Variants in AFG1L observed in about 807,000 individuals in gnomAD.
AFG1L encodes AFG1-like ATPase.
Under a neutral mutation model 62.2 loss-of-function variants are expected in AFG1L, and 53 were observed. That is an observed-to-expected ratio of 0.85 (90% CI 0.68 to 1.07). AFG1L has a LOEUF of 1.07. Among genes scored for constraint, AFG1L ranks in the 50% least tolerant of loss-of-function variants. AFG1L has a pLI of 0.00. For missense variants in AFG1L, 555 were observed against 590.5 expected (o/e 0.94, Z 0.62); for synonymous variants, 228 against 210.3 (o/e 1.08, Z -0.73).
intron 1 of AFG1L, among the ~76,000 whole-genome samples, chr6:108,308,313 C>T (rs1468071216): frequency 6.6e-6 from 1 of 152,002 alleles, no homozygotes; most frequent in Non-Finnish European, 1.5e-5. Context: ...CCACACCCAG[C>T]TAATTGTTAA....
At chr6:108,449,324 C>T (rs1771956018) in intron 8 of AFG1L, among the ~76,000 whole-genome samples, 1 of 151,958 alleles carries the variant, frequency 6.6e-6, no homozygotes, top group African/African-American at 2.4e-5. Flanking sequence ...CTGAATTTAA[C>T]ATCCAAAGGG....
Position 108,295,172 on chromosome 6 carries a change from C to T in AFG1L, c.93C>T (p.Ala31=), listed in dbSNP as rs769780800. 5 of 1,608,378 alleles carry T rather than the reference C, an allele frequency of 3.1e-6. No individual in the cohort carries two copies. Among genetic ancestry groups the T allele is most frequent in the Non-Finnish European group, 4.2e-6 (5 of 1,179,940 alleles). ...GRCVGCGAWA[A]ALAPLATAPG... ...GTGTTGGGTGCGGGGCCTGGGCCGC[C>T]GCTCTCGCTCCTCTGGCCACCGCCC... The change falls in exon 1 of 13, where the codon GCC becomes GCT. Residue 31 remains alanine (A), a synonymous_variant. Transcript: ENST00000368977.
intron 7 of AFG1L, among the ~76,000 whole-genome samples, chr6:108,411,846 G>T (rs139838080): frequency 9.2e-5 from 14 of 152,192 alleles, no homozygotes; most frequent in African/African-American, 3.4e-4. Flanking sequence ...AAATCAGAGC[G>T]CCTCTTCTCC....
intron 10 of AFG1L, among the ~76,000 whole-genome samples, chr6:108,499,243 A>G (rs896335630): frequency 6.6e-6 from 1 of 151,304 alleles, no homozygotes; most frequent in Non-Finnish European, 1.5e-5. Context: ...TAAGTTTTGT[A>G]TTATTTGTAG....
chr6:108,401,916 G>T (rs1431689763), intron 6 of AFG1L, 80 bp from the exon 7 acceptor site: 2 of 657,856 alleles, frequency 3.0e-6, no homozygotes, highest in African/African-American at 1.9e-5. Context: ...TCAGTAGAAA[G>T]CTTTATTTGC....
intron 2 of AFG1L, among the ~76,000 whole-genome samples, chr6:108,337,385 A>T (rs1778513043): frequency 6.6e-6 from 1 of 152,236 alleles, no homozygotes; most frequent in African/African-American, 2.4e-5. Context: ...TTCACTACAC[A>T]TGCAGTATAT....
Position 108,441,710 on chromosome 6 carries a change from A to ATATATATATAT in AFG1L, c.808-5504_808-5503insTATATATATAT, listed in dbSNP as rs1554198366. ...AAATCTGAGGTTTATTTAAAAAAAAAAAATATATATATATATATATAAACT... is the reference window on the plus strand; with the variant it reads ...AAATCTGAGGTTTATTTAAAAAAAAATATATATATATAAATATATATATATATATATAAACT... On this transcript the variant is annotated intron_variant, in intron 7 of 12. Transcript: ENST00000368977. Among the ~76,000 whole-genome samples the ATATATATATAT allele has an allele frequency of 9.4e-5, 11 of 117,524 alleles. No individual in the cohort carries two copies. The South Asian group carries it at 2.2e-3, about 23-fold the overall frequency. The allele number at this position is 117,524 out of a possible 152,430, so 77.1% of individuals were successfully genotyped here. A position where few individuals can be genotyped will look rare whatever the true frequency, so the allele number is the denominator to read the frequency against.
chr6:108,464,303 CAAT>C (rs1772583052), intron 8 of AFG1L, among the ~76,000 whole-genome samples: 1 of 152,086 alleles, frequency 6.6e-6, no homozygotes, highest in South Asian at 2.1e-4. Flanking sequence ...AATGATCCAG[CAAT>C]AATAAGGTCT....
chr6:108,301,831 T>C (rs1777012961), intron 1 of AFG1L, among the ~76,000 whole-genome samples: 1 of 152,214 alleles, frequency 6.6e-6, no homozygotes, highest in Non-Finnish European at 1.5e-5. Flanking sequence ...ATTTTTACAT[T>C]ACCCATCCCT....
At chr6:108,463,103 A>G (rs1772525196) in intron 8 of AFG1L, among the ~76,000 whole-genome samples, 1 of 152,042 alleles carries the variant, frequency 6.6e-6, no homozygotes, top group Non-Finnish European at 1.5e-5. Context: ...AGCTTGGCCA[A>G]CATGGTGAAA....
At chr6:108,366,936 T>C (rs112823081) in intron 6 of AFG1L, among the ~76,000 whole-genome samples, 10 of 152,152 alleles carry the variant, frequency 6.6e-5, no homozygotes, top group African/African-American at 2.2e-4. Flanking sequence ...TCTTTCTGCC[T>C]GGAGTGCTGT....
At chr6:108,428,998 C>T (rs139997952) in intron 7 of AFG1L, among the ~76,000 whole-genome samples, 73 of 152,126 alleles carry the variant, frequency 4.8e-4, no homozygotes, top group Admixed American at 7.9e-4. Context: ...AATTCTTTCC[C>T]TATGCCAATG....
chr6:108,489,639 A>C (rs1454780230), intron 10 of AFG1L, among the ~76,000 whole-genome samples: 1 of 152,188 alleles, frequency 6.6e-6, no homozygotes, highest in Non-Finnish European at 1.5e-5. Context: ...AGATTGCACG[A>C]AACAAGATAA....
chr6:108,297,057 A>G (rs1482930525), intron 1 of AFG1L, among the ~76,000 whole-genome samples: 1 of 152,268 alleles, frequency 6.6e-6, no homozygotes, highest in Middle Eastern at 3.4e-3. Context: ...TTAGAGGTCC[A>G]TTTAATTGTA....
At chr6:108,422,477 C>CAAAGAAAAAAAAAAAAA (rs1770635706) in intron 7 of AFG1L, among the ~76,000 whole-genome samples, 1 of 45,798 alleles carries the variant, frequency 2.2e-5, no homozygotes, top group African/African-American at 1.0e-4. Flanking sequence ...TAGTCCTCAG[C>CAAAGAAAAAAAAAAAAA]AAAAAAAAAA....
rs543459726 is a variant in AFG1L, at chr6:108,346,547, T to C, written c.364-441T>C. 2.6e-5 allele frequency among the ~76,000 whole-genome samples: 4 copies of C among 152,216 alleles called. No homozygotes were observed. In the South Asian group the frequency reaches 8.3e-4, roughly 32 times the overall value. ...TGCCTGGCTAATTCTTTTTAACTAT[T>C]TGCAGAGATGAGGTCTCCCTATATT... On this transcript the variant is annotated intron_variant, in intron 2 of 12. Coordinates refer to ENST00000368977, the MANE Select transcript of AFG1L (RefSeq NM_145315.5).
intron 3 of AFG1L, among the ~76,000 whole-genome samples, chr6:108,354,648 G>C (rs967649377): frequency 6.6e-6 from 1 of 152,070 alleles, no homozygotes; most frequent in Non-Finnish European, 1.5e-5. Flanking sequence ...AGTGACCAAC[G>C]AGAGGGCAGT....
intron 7 of AFG1L, among the ~76,000 whole-genome samples, chr6:108,427,249 T>C (rs1175338247): frequency 2.0e-5 from 3 of 151,966 alleles, no homozygotes; most frequent in African/African-American, 4.8e-5. Context: ...ACTACACACT[T>C]GGCTAACTTT....
At chr6:108,408,120 T>C (rs1781940599) in intron 7 of AFG1L, among the ~76,000 whole-genome samples, 1 of 151,782 alleles carries the variant, frequency 6.6e-6, no homozygotes, top group African/African-American at 2.4e-5. Context: ...TTGATCTTTT[T>C]GAGGCTTTTT....
Sources: gnomAD v4.1 joint callset for allele counts (sites outside exome capture counted in the v4.1 genomes callset) on GRCh38, gnomAD v4.1.1 for gene constraint, MANE v1.5 for transcripts, NCBI Gene and HGNC (gene_info 2026-07-23, HGNC 2026-07-21) for gene names.